Variants in GLYATL2 observed in about 807,000 individuals in gnomAD.
GLYATL2 encodes the protein glycine-N-acyltransferase like 2.
GLYATL2 carries 25 observed loss-of-function variants against 21.4 expected under a neutral mutation model. The ratio of observed to expected loss-of-function variants is 1.17; its 90% CI spans 0.85 to 1.63. GLYATL2 has a LOEUF of 1.63. Ranked by LOEUF, GLYATL2 falls within the 40% of genes most tolerant of loss-of-function variation. GLYATL2 has a pLI of 0.00. For missense variants in GLYATL2, 361 were observed against 343.3 expected (o/e 1.05, Z -0.41); for synonymous variants, 114 against 118.2 (o/e 0.96, Z 0.23).
rs1853390535 is a variant in GLYATL2 at position 58,834,531 on chromosome 11, T to A, written c.783A>T (p.Ala261=). ...CCTGTAGGCTTTTCTCATTATTATC[T>A]GCCACATGGAAATAAAATGGGATTT... ...QKEIPFYFHV[A]DNNEKSLQAL... is the part of the protein sequence containing the mutation. Residue 261 remains alanine, a synonymous_variant, in exon 6 of 6, where the codon GCA becomes GCT. Coordinates refer to ENST00000287275, the MANE Select transcript of GLYATL2 (RefSeq NM_145016.4). The A allele has an allele frequency of 6.2e-7, 1 of 1,613,630 alleles. No individual in the cohort carries two copies. The highest frequency in any genetic ancestry group is 1.3e-5 in the African/African-American group (1 of 75,030).
chr11:58,855,281 G>T (rs1209122307), intron 1 of GLYATL2, among the ~76,000 whole-genome samples: 1 of 152,152 alleles, frequency 6.6e-6, no homozygotes, highest in East Asian at 1.9e-4. Flanking sequence ...ATGAGCTGCA[G>T]AATGGATGTA....
chr11:58,866,969 C>T (rs989879276), intron 1 of GLYATL2, among the ~76,000 whole-genome samples: 3 of 149,030 alleles, frequency 2.0e-5, no homozygotes, highest in African/African-American at 2.4e-5. Context: ...TCCAGCTTCA[C>T]ATTGCTAAAG....
intron 1 of GLYATL2, among the ~76,000 whole-genome samples, chr11:58,860,056 C>A (rs1359601530): frequency 6.6e-6 from 1 of 152,136 alleles, no homozygotes; most frequent in Non-Finnish European, 1.5e-5. Flanking sequence ...AGTGTGATAT[C>A]TGCAGCTTTG....
intron 1 of GLYATL2, among the ~76,000 whole-genome samples, chr11:58,883,138 C>T (rs1374854075): frequency 6.6e-6 from 1 of 152,108 alleles, no homozygotes; most frequent in Non-Finnish European, 1.5e-5. Flanking sequence ...CTATAAATTA[C>T]CTTGGGCAAC....
At chr11:58,841,699 G>T (rs1430725716) in intron 1 of GLYATL2, among the ~76,000 whole-genome samples, 1 of 152,212 alleles carries the variant, frequency 6.6e-6, no homozygotes, top group Non-Finnish European at 1.5e-5. Context: ...TGTCTAGGAT[G>T]ATGGGTGCAC....
intron 1 of GLYATL2, among the ~76,000 whole-genome samples, chr11:58,898,267 A>T (rs1022869842): frequency 6.6e-6 from 1 of 152,232 alleles, no homozygotes; most frequent in East Asian, 1.9e-4. Flanking sequence ...AGTGAGACAA[A>T]TGTTTTTATT....
intron 1 of GLYATL2, among the ~76,000 whole-genome samples, chr11:58,862,384 A>C (rs183586170): frequency 6.6e-6 from 1 of 152,304 alleles, no homozygotes; most frequent in East Asian, 1.9e-4. Context: ...TTATTTCATC[A>C]GATAAGATTT....
upstream of GLYATL2, among the ~76,000 whole-genome samples, chr11:58,906,205 G>A (rs1348700658): frequency 1.3e-5 from 2 of 152,272 alleles, no homozygotes; most frequent in African/African-American, 4.8e-5. Flanking sequence ...AACCAAGGAG[G>A]TTTTGGATGG....
chr11:58,878,458 A>T (rs1201717797), intron 1 of GLYATL2: 1 of 290,840 alleles, frequency 3.4e-6, no homozygotes, highest in Non-Finnish European at 5.9e-6. Context: ...CAAATTTGTG[A>T]TCGAAACTGG....
Position 58,834,305 on chromosome 11 carries a change from G to C in GLYATL2, c.*124C>G. 1.4e-6 allele frequency: 1 copy of C among 714,450 alleles called. No individual in the cohort carries two copies. The highest frequency in any genetic ancestry group is 2.2e-6 in the Non-Finnish European group (1 of 454,458). 44.3% of individuals were successfully genotyped at this position (714,450 alleles called of 1,614,324 possible). A position where few individuals can be genotyped will look rare whatever the true frequency, so the allele number is the denominator to read the frequency against. On this transcript the variant is annotated 3_prime_UTR_variant, in exon 6 of 6. Coordinates refer to ENST00000287275, the MANE Select transcript of GLYATL2 (RefSeq NM_145016.4). The stretch of plus-strand genomic sequence containing the variant: ...AGGAAGGTAAAACTGTTAAGGGTGA[G>C]CTTAAGTAATACACAGATCCTAGAT...
upstream of GLYATL2, chr11:58,907,219 C>T (rs941815927): frequency 2.0e-5 from 7 of 355,324 alleles, no homozygotes; most frequent in Admixed American, 2.9e-5. Flanking sequence ...AGTTTTCTGT[C>T]TCTCTCTCTC....
rs145068045 is a variant in GLYATL2, at chr11:58,887,771, T to C, written n.60+16385A>G. Among the ~76,000 whole-genome samples the C allele has an allele frequency of 3.6e-3, 549 of 152,314 alleles. 4 individuals carry two copies. The highest frequency in any genetic ancestry group is 0.013 in the African/African-American group (534 of 41,562). On this transcript the variant is annotated intron_variant and non_coding_transcript_variant, in intron 1 of 4. Transcript: ENST00000533636. ...GTTGGGTTCAAATTGTTCATACTTC[T>C]TTGCCACTAAAAACAATGCTTCAAT...
At position 58,834,782 on chromosome 11, in the gene GLYATL2, C is replaced by A; in HGVS notation, c.532G>T (p.Glu178Ter). 6.2e-7 allele frequency: 1 copy of A among 1,613,118 alleles called. No individual in the cohort carries two copies. The highest frequency in any genetic ancestry group is 1.3e-5 in the African/African-American group (1 of 74,978). Residue 178 changes from glutamate to a stop codon, truncating the protein, a stop_gained, in exon 6 of 6, where the codon GAA becomes TAA. Transcript: ENST00000287275. LOFTEE classifies it low-confidence loss of function (END_TRUNC). ...LDASHAGLVN[E>*]HWAFGKNERS... Reference sequence around the variant, plus strand: ...TCATTTTTCCCAAAGGCCCAGTGTTCATTCACAAGACCTGCATGTGAAGCA... The same window carrying A: ...TCATTTTTCCCAAAGGCCCAGTGTTAATTCACAAGACCTGCATGTGAAGCA...
intron 1 of GLYATL2, among the ~76,000 whole-genome samples, chr11:58,898,814 C>T (rs1854681154): frequency 6.6e-6 from 1 of 152,028 alleles, no homozygotes; most frequent in South Asian, 2.1e-4. Context: ...ACCTGGGCGA[C>T]AGTGCAAGAC....
At chr11:58,878,283 TG>T in intron 1 of GLYATL2, 1 of 468,930 alleles carries the variant, frequency 2.1e-6, no homozygotes, top group Non-Finnish European at 3.8e-6. Flanking sequence ...GGATCTGAAG[TG>T]GAGCTTCTAG....
At chr11:58,860,868 G>T (rs1310009352) in intron 1 of GLYATL2, among the ~76,000 whole-genome samples, 4 of 151,932 alleles carry the variant, frequency 2.6e-5, no homozygotes, top group Admixed American at 6.5e-5. Context: ...ATTGGATTTT[G>T]TTTTTTATTC....
intron 1 of GLYATL2, among the ~76,000 whole-genome samples, chr11:58,882,462 A>C (rs1278735563): frequency 1.3e-5 from 2 of 152,044 alleles, no homozygotes; most frequent in African/African-American, 4.8e-5. Flanking sequence ...TTCTGAGTTC[A>C]GTGTAGATTC....
upstream of GLYATL2, among the ~76,000 whole-genome samples, chr11:58,848,877 T>A (rs927510788): frequency 6.6e-6 from 1 of 152,152 alleles, no homozygotes; most frequent in East Asian, 1.9e-4. Flanking sequence ...CAAGCAGATT[T>A]AACCCAAAGA....
intron 1 of GLYATL2, among the ~76,000 whole-genome samples, chr11:58,864,149 G>A (rs1036935780): frequency 2.6e-5 from 4 of 152,124 alleles, no homozygotes; most frequent in African/African-American, 9.7e-5. Flanking sequence ...GGCAGTCCTA[G>A]AATCTGTATC....
Sources: gnomAD v4.1 joint callset for allele counts (sites outside exome capture counted in the v4.1 genomes callset) on GRCh38, gnomAD v4.1.1 for gene constraint, MANE v1.5 for transcripts, NCBI Gene and HGNC (gene_info 2026-07-23, HGNC 2026-07-21) for gene names.